MTHFD1L: variants seen among roughly 807,000 people sequenced by gnomAD.
The protein encoded by MTHFD1L is monofunctional C1-tetrahydrofolate synthase, mitochondrial.
A neutral mutation model predicts 119.5 loss-of-function variants in MTHFD1L; 81 were observed. The observed-to-expected ratio is 0.68, with a 90% CI of 0.57 to 0.82. The LOEUF is 0.82. Among genes scored for constraint, MTHFD1L ranks in the 40% least tolerant of loss-of-function variants. The pLI is 0.00. For synonymous variants in MTHFD1L, 430 were observed against 475.2 expected, an observed-to-expected ratio of 0.90 and a Z score of 1.24; for missense variants, 1,125 against 1,253.4, an observed-to-expected ratio of 0.90 and a Z score of 1.55.
chr6:150,930,891 A>G (rs1486936394), intron 11 of MTHFD1L, among the ~76,000 whole-genome samples: 1 of 152,214 alleles, frequency 6.6e-6, no homozygotes, highest in Admixed American at 6.5e-5. Context: ...TTCAGTCAGA[A>G]TCATCTGCAT....
chr6:151,092,205 C>G (rs1357221835), intron 26 of MTHFD1L, among the ~76,000 whole-genome samples: 2 of 152,098 alleles, frequency 1.3e-5, no homozygotes, highest in African/African-American at 4.8e-5. Context: ...TTTGGAAGAT[C>G]ACTGTTTTGT....
At chr6:151,000,149 C>T (rs1780403000) in intron 20 of MTHFD1L, among the ~76,000 whole-genome samples, 1 of 152,044 alleles carries the variant, frequency 6.6e-6, no homozygotes, top group Non-Finnish European at 1.5e-5. Flanking sequence ...ACCATCCTGG[C>T]CACATGGTGA....
At chr6:150,883,129 T>C (rs1781635452) in intron 5 of MTHFD1L, among the ~76,000 whole-genome samples, 2 of 151,514 alleles carry the variant, frequency 1.3e-5, no homozygotes, top group African/African-American at 4.9e-5. Flanking sequence ...ATCTCCTGGG[T>C]TCAAGCGATT....
chr6:151,087,127 T>C (rs1793881367), intron 26 of MTHFD1L, among the ~76,000 whole-genome samples: 1 of 152,034 alleles, frequency 6.6e-6, no homozygotes, highest in Non-Finnish European at 1.5e-5. Context: ...CGGGCACCTG[T>C]AATCCCAGCT....
At chr6:150,900,521 A>G (rs1667143007) in intron 7 of MTHFD1L, among the ~76,000 whole-genome samples, 1 of 152,118 alleles carries the variant, frequency 6.6e-6, no homozygotes, top group South Asian at 2.1e-4. Context: ...CCGCATCCGC[A>G]TGCTCCCAGG....
intron 20 of MTHFD1L, among the ~76,000 whole-genome samples, chr6:150,975,026 C>G (rs1776354003): frequency 6.6e-6 from 1 of 152,128 alleles, no homozygotes; most frequent in African/African-American, 2.4e-5. Context: ...GTGTGAGCCA[C>G]CACACCCGGC....
intron 11 of MTHFD1L, among the ~76,000 whole-genome samples, chr6:150,930,264 G>GCACTGGTTTAAAGCAA (rs1790805246): frequency 6.6e-6 from 1 of 152,120 alleles, no homozygotes; most frequent in African/African-American, 2.4e-5. Flanking sequence ...GCAAAAAGCA[G>GCACTGGTTTAAAGCAA]CACTGGTTTA....
intron 19 of MTHFD1L, among the ~76,000 whole-genome samples, chr6:150,968,018 A>T (rs1449740955): frequency 6.6e-6 from 1 of 151,680 alleles, no homozygotes; most frequent in Non-Finnish European, 1.5e-5. Context: ...GGACCTTTGC[A>T]CGGCTAACAC....
chr6:151,083,752 T>C (rs1168348270), intron 26 of MTHFD1L, among the ~76,000 whole-genome samples: 1 of 152,198 alleles, frequency 6.6e-6, no homozygotes, highest in African/African-American at 2.4e-5. Flanking sequence ...TGCATAATGG[T>C]GACCATTTAC....
chr6:150,923,544 CTTTTTTT>C (rs61415562), intron 10 of MTHFD1L, among the ~76,000 whole-genome samples: 1 of 53,228 alleles, frequency 1.9e-5, no homozygotes, highest in Non-Finnish European at 4.0e-5. Context: ...TTTATTTTTT[CTTTTTTT>C]TTTTTTTTTT....
intron 20 of MTHFD1L, among the ~76,000 whole-genome samples, chr6:150,994,124 T>G (rs1415052265): frequency 8.2e-6 from 1 of 121,738 alleles, no homozygotes; most frequent in Non-Finnish European, 1.6e-5. Context: ...TACAAGTTTA[T>G]TTCTCTCTCA....
intron 20 of MTHFD1L, among the ~76,000 whole-genome samples, chr6:151,003,450 C>T (rs766799152): frequency 3.3e-5 from 5 of 151,784 alleles, no homozygotes; most frequent in Admixed American, 2.0e-4. Context: ...GAGAATCGCT[C>T]GAACCTGGAG....
At chr6:150,934,909 A>G (rs535763875) in intron 11 of MTHFD1L, 23 of 1,509,396 alleles carry the variant, frequency 1.5e-5, no homozygotes, top group Admixed American at 2.3e-5. Flanking sequence ...CTACCAAGAG[A>G]AATTCTAAAG....
At chr6:150,933,936 T>G (rs1791608371) in intron 11 of MTHFD1L, among the ~76,000 whole-genome samples, 1 of 152,204 alleles carries the variant, frequency 6.6e-6, no homozygotes, top group African/African-American at 2.4e-5. Context: ...TATTTTATAC[T>G]ACGCCTTCTT....
chr6:151,033,147 C>G (rs1406649125), intron 24 of MTHFD1L, among the ~76,000 whole-genome samples: 1 of 149,094 alleles, frequency 6.7e-6, no homozygotes, highest in Admixed American at 6.7e-5. Context: ...GAGACAGAGT[C>G]TTGCTCTGTC....
intron 24 of MTHFD1L, among the ~76,000 whole-genome samples, chr6:151,024,365 C>A (rs1474802022): frequency 2.0e-5 from 3 of 152,170 alleles, no homozygotes; most frequent in South Asian, 4.1e-4. Flanking sequence ...CATGGCAGAT[C>A]CTGTCTCTAC....
chr6:150,925,992 C>A, intron 10 of MTHFD1L, 130 bp from the exon 11 acceptor site: 2 of 703,960 alleles, frequency 2.8e-6, no homozygotes, highest in Non-Finnish European at 4.6e-6. Context: ...CTTATTACTG[C>A]CTGGGAGAAA....
intron 20 of MTHFD1L, among the ~76,000 whole-genome samples, chr6:151,002,871 C>T (rs1365403205): frequency 6.6e-6 from 1 of 152,180 alleles, no homozygotes; most frequent in Non-Finnish European, 1.5e-5. Flanking sequence ...CTATGGAGAC[C>T]TTGGGTGGAT....
chr6:151,045,539 C>A (rs1787867358), intron 26 of MTHFD1L, among the ~76,000 whole-genome samples: 1 of 152,228 alleles, frequency 6.6e-6, no homozygotes, highest in Admixed American at 6.5e-5. Flanking sequence ...TTGGCCCCAT[C>A]TGTGCAATCT....
Sources: allele counts gnomAD v4.1 joint callset (sites outside exome capture counted in the v4.1 genomes callset), GRCh38; gene constraint gnomAD v4.1.1; transcripts MANE v1.5; gene names NCBI Gene and HGNC (gene_info 2026-07-23, HGNC 2026-07-21).